CELA1: variants seen among roughly 807,000 people sequenced by gnomAD.
The protein encoded by CELA1 is chymotrypsin-like elastase family member 1.
A neutral mutation model predicts 34.8 loss-of-function variants in CELA1; 28 were observed. The observed-to-expected ratio is 0.80, with a 90% confidence interval of 0.60 to 1.10. CELA1 has a LOEUF of 1.10. Among genes scored for constraint, CELA1 ranks in the 50% least tolerant of loss-of-function variants. The probability of loss-of-function intolerance (pLI) is 0.00; values close to 1 mark genes in which losing one functional copy is unlikely to be tolerated. For missense variants in CELA1, 288 were observed against 327.5 expected (o/e 0.88, Z 0.93); for synonymous variants, 140 against 129.8 (o/e 1.08, Z -0.53).
chr12:51,329,652 C>T, intron 7 of CELA1, 32 bp downstream of exon 7: 1 of 1,575,522 alleles, frequency 6.3e-7, no homozygotes. Context: ...TCCAGGTGAC[C>T]CCATTTCAAC....
chr12:51,333,233 T>G (rs1946481197), intron 6 of CELA1, among the ~76,000 whole-genome samples: 1 of 151,946 alleles, frequency 6.6e-6, no homozygotes, highest in Non-Finnish European at 1.5e-5. Flanking sequence ...TAGCTGGGAT[T>G]ACAGGCATAA....
At chr12:51,331,850 C>T (rs758191176) in intron 6 of CELA1, among the ~76,000 whole-genome samples, 5 of 152,058 alleles carry the variant, frequency 3.3e-5, no homozygotes, top group Non-Finnish European at 5.9e-5. Context: ...ATGAAAAAGA[C>T]AATTTTTAAC....
intron 6 of CELA1, 26 bp downstream of exon 6, chr12:51,339,834 G>C (rs200792757): frequency 6.3e-7 from 1 of 1,588,914 alleles, no homozygotes; most frequent in East Asian, 2.2e-5. Flanking sequence ...GCGGGACCTG[G>C]GGTGGGACCC....
At chr12:51,345,769 G>A (rs1175845666) in intron 2 of CELA1, 26 bp downstream of exon 2, 2 of 1,514,522 alleles carry the variant, frequency 1.3e-6, no homozygotes, top group Middle Eastern at 1.7e-4. Context: ...TTGGGTGGAA[G>A]TCTGGGGCTG....
intron 6 of CELA1, among the ~76,000 whole-genome samples, chr12:51,331,852 A>G (rs11169805): frequency 0.23 from 34,352 of 152,098 alleles, 4,460 homozygotes; most frequent in Middle Eastern, 0.32. Context: ...GAAAAAGACA[A>G]TTTTTAACAG....
chr12:51,339,424 T>C (rs1304825197), intron 6 of CELA1, among the ~76,000 whole-genome samples: 2 of 152,098 alleles, frequency 1.3e-5, no homozygotes, highest in Non-Finnish European at 2.9e-5. Context: ...TGGTGGTGCA[T>C]GCCTGTAATC....
In CELA1 at chr12:51,346,473, G is replaced by A. The variant is rs922659499; in HGVS notation, c.16+150C>T. 5.6e-6 allele frequency: 4 copies of A among 712,520 alleles called. 1 individual carries two copies. In the South Asian group the frequency reaches 7.0e-5, roughly 13 times the overall value. 44.1% of individuals were successfully genotyped at this position (712,520 alleles called of 1,614,324 possible). On this transcript the variant is annotated intron_variant, in intron 1 of 7. Transcript: ENST00000293636. Reference sequence around the variant, plus strand: ...GAGTAAAGGACGCTCTGCAGGCAGAGCGTCCCACCTGCCCTGGGACAGGGT... The same window carrying A: ...GAGTAAAGGACGCTCTGCAGGCAGAACGTCCCACCTGCCCTGGGACAGGGT...
rs779931346 is a variant in CELA1 at position 51,342,616 on chromosome 12, G to A, written c.285C>T (p.Ile95=). 5.0e-6 allele frequency: 8 copies of A among 1,613,990 alleles called. No homozygotes were observed. Among genetic ancestry groups the A allele is most frequent in the East Asian group, 4.5e-5 (2 of 44,888 alleles). ...GTEQYVSVQK[I]VVHPYWNSDN... The stretch of plus-strand genomic sequence containing the variant: ...CGCTGTTCCAGTATGGATGCACCAC[G>A]ATCTTCTGCACACTCACGTACTGCT... The change falls in exon 4 of 8, where the codon ATC becomes ATT. Residue 95 remains isoleucine, a synonymous_variant. Transcript: ENST00000293636.
At position 51,341,312 on chromosome 12, in the gene CELA1, A is replaced by C; in HGVS notation, c.395T>G (p.Leu132Arg). Reference sequence around the variant, plus strand: ...AGCCAGGATGGCTCCCTCCTGGGGCAGAACACCCAGCTGGACATAGCTATT... The same window carrying C: ...AGCCAGGATGGCTCCCTCCTGGGGCCGAACACCCAGCTGGACATAGCTATT... ...TLNSYVQLGV[L>R]PQEGAILANN... The change falls in exon 5 of 8, where the codon CTG (leucine) becomes CGG (arginine). Residue 132 changes from leucine to arginine, a missense_variant. Leu to Arg is a moderately radical substitution (Grantham distance 102, BLOSUM62 -2). Coordinates refer to ENST00000293636, the MANE Select transcript of CELA1 (RefSeq NM_001971.6). The C allele has an allele frequency of 6.2e-7, 1 of 1,614,224 alleles. No homozygotes were observed.
intron 7 of CELA1, 101 bp downstream of exon 7, chr12:51,329,583 G>A (rs564375940): frequency 8.0e-7 from 1 of 1,246,212 alleles, no homozygotes; most frequent in African/African-American, 1.5e-5. Flanking sequence ...TGGTAAGGAA[G>A]ATGACGGCTT....
At chr12:51,340,120 C>T (rs1482461027) in intron 5 of CELA1, 115 bp from the exon 6 acceptor site, 1 of 858,678 alleles carries the variant, frequency 1.2e-6, no homozygotes, top group African/African-American at 1.7e-5. Context: ...GGGCAAACTC[C>T]TTCTCTCTCC....
chr12:51,346,543 TC>T lies in CELA1; in HGVS notation c.16+79del, dbSNP rs558081986. 1.7e-4 allele frequency: 234 copies of T among 1,365,992 alleles called. 2 individuals are homozygous for T. The East Asian group carries it at 5.7e-3, about 33-fold the overall frequency. 84.6% of individuals were successfully genotyped at this position (1,365,992 alleles called of 1,614,324 possible). On this transcript the variant is annotated intron_variant, in intron 1 of 7. Transcript: ENST00000293636. The stretch of plus-strand genomic sequence containing the variant: ...AAATTTGCTGACCTTCCTGCCCAAG[TC>T]CCCCTCCCTATAGACCTCAGGCCAC...
In CELA1 at chr12:51,341,244, T is replaced by G; in HGVS notation, c.463A>C (p.Thr155Pro). ...CYITGWGKTK[T>P]NGQLAQTLQQ... ...GATTGTGCCAATGTAGGCAACTTAC[T>G]CTTGGTCTTGCCCCAGCCTGTGATG... Residue 155 changes from threonine (T) to proline (P), a missense_variant and splice_region_variant, in exon 5 of 8, where the codon ACC (threonine) becomes CCC (proline). Transcript: ENST00000293636. The G allele has an allele frequency of 6.2e-7, 1 of 1,614,082 alleles. No homozygotes were observed. The highest frequency in any genetic ancestry group is 2.2e-5 in the East Asian group (1 of 44,880).
At chr12:51,334,321 C>T (rs939956881) in intron 6 of CELA1, among the ~76,000 whole-genome samples, 2 of 152,214 alleles carry the variant, frequency 1.3e-5, no homozygotes, top group African/African-American at 4.8e-5. Context: ...TGTAGAGTCC[C>T]TGGGATACAG....
intron 6 of CELA1, among the ~76,000 whole-genome samples, chr12:51,337,724 C>T (rs1565700838): frequency 1.3e-5 from 2 of 151,246 alleles, no homozygotes; most frequent in South Asian, 2.1e-4. Flanking sequence ...GCCTGGGCAA[C>T]ATGGTGAAAC....
intron 6 of CELA1, among the ~76,000 whole-genome samples, chr12:51,336,264 T>C (rs1192276733): frequency 6.6e-6 from 1 of 152,256 alleles, no homozygotes; most frequent in Non-Finnish European, 1.5e-5. Context: ...TCTTTTCTCA[T>C]TGAACAGTTT....
At chr12:51,329,653 C>G (rs754959039) in intron 7 of CELA1, 31 bp downstream of exon 7, 1 of 1,577,612 alleles carries the variant, frequency 6.3e-7, no homozygotes, top group South Asian at 1.2e-5. Context: ...CCAGGTGACC[C>G]CATTTCAACC....
chr12:51,331,096 C>G (rs1479132947), intron 6 of CELA1, among the ~76,000 whole-genome samples: 1 of 147,802 alleles, frequency 6.8e-6, no homozygotes, highest in East Asian at 2.0e-4. Context: ...GCAATAAAAC[C>G]ATAACTAATA....
rs1218168483 is a variant in CELA1, at chr12:51,345,830, C to G, written c.64G>C (p.Gly22Arg). 1.3e-6 allele frequency: 2 copies of G among 1,559,294 alleles called. No individual in the cohort carries two copies. The highest frequency in any genetic ancestry group is 1.7e-6 in the Non-Finnish European group (2 of 1,150,898). The change falls in exon 2 of 8, where the codon GGG (glycine) becomes CGG (arginine). Residue 22 changes from glycine to arginine, a missense_variant. Coordinates refer to ENST00000293636, the MANE Select transcript of CELA1 (RefSeq NM_001971.6). Reference sequence around the variant, plus strand: ...CAGGAATTCCTCCCGGCCTCAGTCCCTCCGACTACGCGGGCATTGGTTTCC... The same window carrying G: ...CAGGAATTCCTCCCGGCCTCAGTCCGTCCGACTACGCGGGCATTGGTTTCC... ...LPETNARVVG[G>R]TEAGRNSWPS...
Sources: allele counts gnomAD v4.1 joint callset (sites outside exome capture counted in the v4.1 genomes callset), GRCh38; gene constraint gnomAD v4.1.1; transcripts MANE v1.5; gene names NCBI Gene and HGNC (gene_info 2026-07-23, HGNC 2026-07-21).